The following SYNPR variants were observed in gnomAD, a reference collection of about 807,000 sequenced individuals.
SYNPR encodes synaptoporin.
SYNPR carries 23 observed loss-of-function variants against 32.9 expected under a neutral mutation model. The ratio of observed to expected loss-of-function variants is 0.70; its 90% CI spans 0.50 to 0.99. SYNPR has a LOEUF of 0.99. SYNPR is among the 50% of genes least tolerant of loss of function. The pLI is 0.00. For synonymous variants in SYNPR, 146 were observed against 135.9 expected, an observed-to-expected ratio of 1.07 and a Z score of -0.52; for missense variants, 318 against 349.3, an observed-to-expected ratio of 0.91 and a Z score of 0.71.
intron 3 of SYNPR, among the ~76,000 whole-genome samples, chr3:63,513,106 AG>A (rs58638111): frequency 0.22 from 32,453 of 150,908 alleles, 3,782 homozygotes; most frequent in Non-Finnish European, 0.26. Flanking sequence ...AATACACCAA[AG>A]AAAAAGATCA....
chr3:63,386,056 TC>T (rs1243401847), intron 2 of SYNPR, among the ~76,000 whole-genome samples: 2 of 152,322 alleles, frequency 1.3e-5, no homozygotes, highest in Non-Finnish European at 2.9e-5. Flanking sequence ...ACAAACTGGG[TC>T]CCAGTAATGC....
At chr3:63,226,253 G>A (rs1167296898), upstream of SYNPR, among the ~76,000 whole-genome samples, 2 of 152,094 alleles carry the variant, frequency 1.3e-5, no homozygotes, top group African/African-American at 4.8e-5. Context: ...TTGTTAGTGG[G>A]AATGTAAATT....
intron 2 of SYNPR, among the ~76,000 whole-genome samples, chr3:63,392,613 T>A (rs996295732): frequency 1.3e-5 from 2 of 152,202 alleles, no homozygotes; most frequent in African/African-American, 4.8e-5. Context: ...ATTGTCATTA[T>A]CGTCCCTGGA....
At chr3:63,526,141 A>AC (rs1702007893) in intron 3 of SYNPR, among the ~76,000 whole-genome samples, 1 of 152,206 alleles carries the variant, frequency 6.6e-6, no homozygotes, top group South Asian at 2.1e-4. Context: ...ATCTGCCCCC[A>AC]CAAGGCTCCA....
chr3:63,378,658 C>T lies in SYNPR; in HGVS notation c.84+99916C>T, dbSNP rs957355793. 3.3e-5 allele frequency among the ~76,000 whole-genome samples: 5 copies of T among 151,974 alleles called. 1 individual carries two copies. Among genetic ancestry groups the T allele is most frequent in the Admixed American group, 2.0e-4 (3 of 15,240 alleles). ...ATTCCTTTGCCTTTCCACATAAAATCTTGCTGGAGATACGCCTGTATTATC... is the reference window on the plus strand; with the variant it reads ...ATTCCTTTGCCTTTCCACATAAAATTTTGCTGGAGATACGCCTGTATTATC... On this transcript the variant is annotated intron_variant, in intron 2 of 5. Transcript: ENST00000478300.
intron 2 of SYNPR, among the ~76,000 whole-genome samples, chr3:63,256,959 AAG>A (rs1219142172): frequency 6.6e-6 from 1 of 152,128 alleles, no homozygotes; most frequent in African/African-American, 2.4e-5. Context: ...AACTGGAAGA[AAG>A]GGTATCAGTG....
intron 4 of SYNPR, among the ~76,000 whole-genome samples, chr3:63,573,982 C>T (rs1702935974): frequency 6.6e-6 from 1 of 152,054 alleles, no homozygotes; most frequent in African/African-American, 2.4e-5. Context: ...GGCTTCTTTT[C>T]CACCCTTAGA....
intron 1 of SYNPR, among the ~76,000 whole-genome samples, chr3:63,240,681 C>T (rs190341678): frequency 5.9e-5 from 9 of 152,166 alleles, no homozygotes; most frequent in Non-Finnish European, 7.4e-5. Context: ...TCCATCATTG[C>T]GAAGGACATT....
intron 2 of SYNPR, among the ~76,000 whole-genome samples, chr3:63,383,030 A>G (rs897123167): frequency 6.6e-6 from 1 of 152,102 alleles, no homozygotes; most frequent in Non-Finnish European, 1.5e-5. Flanking sequence ...AGATTATTTT[A>G]TGGAAAGTGT....
intron 4 of SYNPR, among the ~76,000 whole-genome samples, chr3:63,591,821 G>C (rs1369013415): frequency 8.1e-6 from 1 of 123,512 alleles, no homozygotes; most frequent in African/African-American, 3.0e-5. Context: ...TGGGGGGAGG[G>C]GGGGAGGGAT....
intron 2 of SYNPR, among the ~76,000 whole-genome samples, chr3:63,395,080 A>G (rs2088194376): frequency 6.6e-6 from 1 of 152,026 alleles, no homozygotes; most frequent in African/African-American, 2.4e-5. Flanking sequence ...GACTTACTTC[A>G]GGGCCTGACT....
intron 2 of SYNPR, among the ~76,000 whole-genome samples, chr3:63,386,657 A>G (rs1000129800): frequency 6.6e-5 from 9 of 136,404 alleles, no homozygotes; most frequent in African/African-American, 2.8e-4. Flanking sequence ...TTAGCACACA[A>G]ATCTGATCAT....
At chr3:63,398,996 C>A (rs533643423) in intron 2 of SYNPR, among the ~76,000 whole-genome samples, 2 of 152,148 alleles carry the variant, frequency 1.3e-5, no homozygotes, top group Non-Finnish European at 2.9e-5. Context: ...ATCTGATGCT[C>A]ATGGAATTGA....
chr3:63,252,553 T>A (rs2086341657), exon 2 of SYNPR: 1 of 152,200 alleles, frequency 6.6e-6, no homozygotes, highest in Non-Finnish European at 1.5e-5. Context: ...ATCATTCCTG[T>A]AAGCGTGGAC....
chr3:63,333,362 G>A (rs890369468), intron 2 of SYNPR, among the ~76,000 whole-genome samples: 15 of 151,294 alleles, frequency 9.9e-5, no homozygotes, highest in Non-Finnish European at 2.1e-4. Context: ...AAAGAGAAGA[G>A]CCCCAATTTC....
At chr3:63,530,963 G>A (rs1210465683) in intron 3 of SYNPR, among the ~76,000 whole-genome samples, 3 of 152,140 alleles carry the variant, frequency 2.0e-5, no homozygotes, top group African/African-American at 7.2e-5. Context: ...TGAATGATGA[G>A]TAGAGTTTGA....
chr3:63,259,568 G>C (rs1215241000), intron 2 of SYNPR, among the ~76,000 whole-genome samples: 2 of 152,182 alleles, frequency 1.3e-5, no homozygotes, highest in East Asian at 1.9e-4. Context: ...TTGATGGGAC[G>C]TATCTCAAAA....
At chr3:63,476,321 C>CAGGAAGGG (rs1700919096) in intron 2 of SYNPR, among the ~76,000 whole-genome samples, 1 of 25,300 alleles carries the variant, frequency 4.0e-5, no homozygotes, top group Admixed American at 6.0e-4. Context: ...GGGAGGGAAG[C>CAGGAAGGG]AAGGGAAGGA....
chr3:63,482,388 A>G (rs534977620), intron 3 of SYNPR, among the ~76,000 whole-genome samples: 2 of 152,190 alleles, frequency 1.3e-5, no homozygotes, highest in Admixed American at 1.3e-4. Flanking sequence ...TTCTAACATT[A>G]TCTCACTCAG....
Sources: gnomAD v4.1 joint callset for allele counts (sites outside exome capture counted in the v4.1 genomes callset) on GRCh38, gnomAD v4.1.1 for gene constraint, MANE v1.5 for transcripts, NCBI Gene and HGNC (gene_info 2026-07-23, HGNC 2026-07-21) for gene names.